POU2F1: variants seen among roughly 807,000 people sequenced by gnomAD.
The protein encoded by POU2F1 is POU class 2 homeobox 1.
Under a neutral mutation model 84.9 loss-of-function variants are expected in POU2F1, and 16 were observed. The ratio of observed to expected loss-of-function variants is 0.19; its 90% CI spans 0.13 to 0.29. The LOEUF (loss-of-function observed/expected upper bound fraction) is 0.29. POU2F1 is among the 10% of genes least tolerant of loss of function. POU2F1 has a pLI of 1.00. For missense variants in POU2F1, 738 were observed against 942.6 expected, an observed-to-expected ratio of 0.78 and a Z score of 2.84; for synonymous variants, 368 against 368.3, an observed-to-expected ratio of 1.00 and a Z score of 0.01.
At chr1:167,333,812 T>C (rs1178413354) in intron 2 of POU2F1, among the ~76,000 whole-genome samples, 1 of 152,174 alleles carries the variant, frequency 6.6e-6, no homozygotes, top group Non-Finnish European at 1.5e-5. Flanking sequence ...CTGTCCCCTG[T>C]TTGGACTCCA....
At chr1:167,262,890 A>G (rs1651674075) in intron 1 of POU2F1, among the ~76,000 whole-genome samples, 1 of 152,214 alleles carries the variant, frequency 6.6e-6, no homozygotes, top group Non-Finnish European at 1.5e-5. Context: ...CAATTTGGCT[A>G]GAATATAGGA....
At chr1:167,222,884 CCCCGGTTGCT>C (rs1195153176) in intron 1 of POU2F1, among the ~76,000 whole-genome samples, 1 of 152,084 alleles carries the variant, frequency 6.6e-6, no homozygotes, top group African/African-American at 2.4e-5. Context: ...GGGATGGGTA[CCCCGGTTGCT>C]CCCCACCCCC....
At chr1:167,220,997 C>G in intron 1 of POU2F1, 39 bp downstream of exon 1, 3 of 1,496,376 alleles carry the variant, frequency 2.0e-6, no homozygotes, top group Non-Finnish European at 2.7e-6. Flanking sequence ...TATTCATACT[C>G]AACCCCGGCT....
intron 1 of POU2F1, among the ~76,000 whole-genome samples, chr1:167,255,389 TGAA>T (rs1367623808): frequency 6.6e-6 from 1 of 152,130 alleles, no homozygotes. Context: ...CAGGGCAATG[TGAA>T]CAAAAAGAGA....
intron 1 of POU2F1, among the ~76,000 whole-genome samples, chr1:167,295,698 T>G (rs964611124): frequency 2.0e-5 from 3 of 152,232 alleles, no homozygotes; most frequent in African/African-American, 4.8e-5. Flanking sequence ...ATGAACATGA[T>G]TCAGAGGCTA....
intron 3 of POU2F1, among the ~76,000 whole-genome samples, chr1:167,366,783 G>A (rs1030286593): frequency 2.0e-5 from 3 of 151,984 alleles, no homozygotes; most frequent in African/African-American, 4.8e-5. Flanking sequence ...TTTTCATGTT[G>A]ATTTTTTTTC....
At chr1:167,221,200 C>T (rs1020549795) in intron 1 of POU2F1, among the ~76,000 whole-genome samples, 1 of 151,562 alleles carries the variant, frequency 6.6e-6, no homozygotes, top group African/African-American at 2.4e-5. Flanking sequence ...TGCCCTCCTC[C>T]TGCACCCGGC....
intron 1 of POU2F1, among the ~76,000 whole-genome samples, chr1:167,313,923 G>T (rs925773969): frequency 6.6e-6 from 1 of 152,146 alleles, no homozygotes; most frequent in East Asian, 1.9e-4. Context: ...GAAATTTTTG[G>T]ATTTTTTTAG....
chr1:167,357,018 C>T (rs950765847), intron 2 of POU2F1, among the ~76,000 whole-genome samples: 3 of 152,110 alleles, frequency 2.0e-5, no homozygotes, highest in Non-Finnish European at 2.9e-5. Context: ...ATTACTTCTC[C>T]CTGGTCCCTG....
chr1:167,402,592 A>G (rs1649288910), intron 13 of POU2F1, among the ~76,000 whole-genome samples: 1 of 152,226 alleles, frequency 6.6e-6, no homozygotes, highest in Non-Finnish European at 1.5e-5. Context: ...AGACATATAC[A>G]CAATTTTTAG....
intron 9 of POU2F1, among the ~76,000 whole-genome samples, chr1:167,391,741 A>G (rs1648425490): frequency 6.6e-6 from 1 of 150,738 alleles, no homozygotes; most frequent in Non-Finnish European, 1.5e-5. Flanking sequence ...TAATTTTTGT[A>G]GAGACAAGGT....
chr1:167,284,615 T>C (rs1468144661), intron 1 of POU2F1, among the ~76,000 whole-genome samples: 1 of 152,236 alleles, frequency 6.6e-6, no homozygotes, highest in Non-Finnish European at 1.5e-5. Context: ...GATACTGGTA[T>C]AACTATGATT....
intron 1 of POU2F1, among the ~76,000 whole-genome samples, chr1:167,221,311 TCCGCGGCG>T (rs1397682119): frequency 6.7e-6 from 1 of 149,922 alleles, no homozygotes; most frequent in Non-Finnish European, 1.5e-5. Flanking sequence ...CCCGAGCGGG[TCCGCGGCG>T]GGGCGGCGGG....
At chr1:167,316,612 T>G (rs1428926644) in intron 1 of POU2F1, among the ~76,000 whole-genome samples, 1 of 152,232 alleles carries the variant, frequency 6.6e-6, no homozygotes, top group Non-Finnish European at 1.5e-5. Flanking sequence ...ATTAACTTAA[T>G]GAGGAGGAAT....
intron 2 of POU2F1, among the ~76,000 whole-genome samples, chr1:167,353,732 C>T (rs1158125253): frequency 2.0e-5 from 3 of 152,026 alleles, no homozygotes; most frequent in South Asian, 2.1e-4. Flanking sequence ...GATTCTTTTA[C>T]GATTTTATGC....
intron 2 of POU2F1, among the ~76,000 whole-genome samples, chr1:167,349,332 A>T (rs1041905596): frequency 1.3e-5 from 2 of 151,988 alleles, no homozygotes; most frequent in Non-Finnish European, 2.9e-5. Context: ...TCCACATTGT[A>T]TATATATTTT....
intron 7 of POU2F1, chr1:167,383,607 G>T: frequency 3.6e-6 from 1 of 277,592 alleles, no homozygotes; most frequent in Non-Finnish European, 6.8e-6. Flanking sequence ...ATAAAGGATT[G>T]ACCTATCACA....
chr1:167,231,440 T>C (rs1021406361), intron 1 of POU2F1, among the ~76,000 whole-genome samples: 1 of 152,174 alleles, frequency 6.6e-6, no homozygotes, highest in African/African-American at 2.4e-5. Flanking sequence ...ATTTAGACTT[T>C]AAACTTGAAA....
Position 167,350,259 on chromosome 1 carries a change from C to T in POU2F1, c.128-15208C>T, listed in dbSNP as rs952864520. Among the ~76,000 whole-genome samples the T allele has an allele frequency of 1.2e-4, 19 of 152,208 alleles. 1 individual carries two copies. Among genetic ancestry groups the T allele is most frequent in the African/African-American group, 4.3e-4 (18 of 41,526 alleles). ...TCAGATGAGAGAATAAAAAGAGTAC[C>T]TTGCCTTTTTACATATTCAGGATTT... On this transcript the variant is annotated intron_variant, in intron 2 of 15. Coordinates refer to ENST00000367866, the MANE Select transcript of POU2F1 (RefSeq NM_002697.4).
Sources: allele counts gnomAD v4.1 joint callset (sites outside exome capture counted in the v4.1 genomes callset), GRCh38; gene constraint gnomAD v4.1.1; transcripts MANE v1.5; gene names NCBI Gene and HGNC (gene_info 2026-07-23, HGNC 2026-07-21).